Variants in ZPBP observed in about 807,000 individuals in gnomAD.
The protein encoded by ZPBP is zona pellucida-binding protein 1.
A neutral mutation model predicts 44.8 loss-of-function variants in ZPBP; 26 were observed. The ratio of observed to expected loss-of-function variants is 0.58; its 90% CI spans 0.43 to 0.81. The LOEUF is 0.81. ZPBP is among the 30% of genes least tolerant of loss of function. ZPBP has a pLI of 0.00. For synonymous variants in ZPBP, 174 were observed against 153.2 expected, an observed-to-expected ratio of 1.14 and a Z score of -1.00; for missense variants, 409 against 434.0, an observed-to-expected ratio of 0.94 and a Z score of 0.51.
At chr7:50,022,158 T>C (rs1378163053) in intron 5 of ZPBP, among the ~76,000 whole-genome samples, 1 of 152,124 alleles carries the variant, frequency 6.6e-6, no homozygotes, top group Non-Finnish European at 1.5e-5. Context: ...GAAGAATAGA[T>C]AGTAACTTGT....
At chr7:49,873,249 G>T (rs1427967977) in intron 2 of ZPBP, among the ~76,000 whole-genome samples, 1 of 152,130 alleles carries the variant, frequency 6.6e-6, no homozygotes, top group African/African-American at 2.4e-5. Context: ...TACAGTTTTG[G>T]TGGCTGGAAG....
At chr7:49,922,031 A>G (rs1794041640) in intron 1 of ZPBP, 1 of 152,184 alleles carries the variant, frequency 6.6e-6, no homozygotes, top group Admixed American at 6.5e-5. Context: ...AAGCAAGATA[A>G]ATAAAATGTA....
At chr7:50,009,433 G>T (rs957001936) in intron 6 of ZPBP, among the ~76,000 whole-genome samples, 7 of 150,988 alleles carry the variant, frequency 4.6e-5, no homozygotes, top group Admixed American at 4.6e-4. Flanking sequence ...TCTCTATTCT[G>T]TCTCTCATTC....
At chr7:50,012,493 A>G (rs1798634009) in intron 6 of ZPBP, among the ~76,000 whole-genome samples, 1 of 151,958 alleles carries the variant, frequency 6.6e-6, no homozygotes, top group Non-Finnish European at 1.5e-5. Flanking sequence ...ACAAAAAATA[A>G]CATGATATAT....
intron 2 of ZPBP, among the ~76,000 whole-genome samples, chr7:49,878,793 A>G (rs1372001717): frequency 3.3e-5 from 5 of 152,182 alleles, no homozygotes; most frequent in Non-Finnish European, 7.3e-5. Context: ...GTGGGCAACC[A>G]TGCCTGCTTT....
chr7:49,926,510 G>T (rs1230598138), intron 1 of ZPBP, among the ~76,000 whole-genome samples: 3 of 152,152 alleles, frequency 2.0e-5, no homozygotes, highest in Admixed American at 2.0e-4. Context: ...TGTCCTTGGT[G>T]GCACCCTTGT....
chr7:49,852,281 C>T (rs1790211572), intron 2 of ZPBP, among the ~76,000 whole-genome samples: 4 of 152,210 alleles, frequency 2.6e-5, no homozygotes, highest in Admixed American at 2.6e-4. Context: ...GTCATGGTGG[C>T]TCTGTGGCTG....
intron 7 of ZPBP, among the ~76,000 whole-genome samples, chr7:49,977,737 A>C (rs1796594542): frequency 6.6e-6 from 1 of 152,234 alleles, no homozygotes; most frequent in African/African-American, 2.4e-5. Flanking sequence ...AATCCATAAT[A>C]ATCAGTGGCA....
intron 6 of ZPBP, among the ~76,000 whole-genome samples, chr7:49,998,262 C>A (rs1797942284): frequency 6.6e-6 from 1 of 152,160 alleles, no homozygotes; most frequent in Admixed American, 6.6e-5. Context: ...GCTGAGAGTT[C>A]AATTTGCTTT....
intron 7 of ZPBP, among the ~76,000 whole-genome samples, chr7:49,938,581 CAAT>C (rs1316518447): frequency 4.0e-5 from 6 of 151,506 alleles, no homozygotes; most frequent in African/African-American, 1.4e-4. Flanking sequence ...CATAGGCACT[CAAT>C]AAATGCTTAA....
chr7:49,871,616 T>C (rs1791149435), intron 2 of ZPBP, among the ~76,000 whole-genome samples: 1 of 152,140 alleles, frequency 6.6e-6, no homozygotes, highest in African/African-American at 2.4e-5. Context: ...AAAACCTCTA[T>C]GGTTTTTATT....
intron 1 of ZPBP, among the ~76,000 whole-genome samples, chr7:49,910,729 AATTG>A (rs1378740392): frequency 6.6e-6 from 1 of 152,328 alleles, no homozygotes; most frequent in South Asian, 2.1e-4. Flanking sequence ...GCTGATATAG[AATTG>A]ATTGAGAATT....
intron 2 of ZPBP, among the ~76,000 whole-genome samples, chr7:49,857,865 T>G (rs1490866807): frequency 6.6e-6 from 1 of 152,190 alleles, no homozygotes; most frequent in Non-Finnish European, 1.5e-5. Context: ...TTTTCAATCC[T>G]GGGTCTGAAA....
chr7:49,891,710 C>T (rs564132597), intron 2 of ZPBP, among the ~76,000 whole-genome samples: 36 of 152,292 alleles, frequency 2.4e-4, no homozygotes, highest in African/African-American at 8.7e-4. Flanking sequence ...ACATTTATTG[C>T]TTTCTGCTAC....
chr7:50,046,115 C>T (rs951997561), intron 4 of ZPBP, among the ~76,000 whole-genome samples: 10 of 152,052 alleles, frequency 6.6e-5, no homozygotes, highest in African/African-American at 1.4e-4. Context: ...TGAAACTGGA[C>T]CTCTTCCTTA....
chr7:50,016,496 C>T (rs775659983), intron 6 of ZPBP, among the ~76,000 whole-genome samples: 3 of 151,964 alleles, frequency 2.0e-5, no homozygotes, highest in Non-Finnish European at 4.4e-5. Context: ...CAAACCCCAA[C>T]GATGTGGAAT....
chr7:50,034,135 A>G (rs1389447804), intron 4 of ZPBP, among the ~76,000 whole-genome samples: 1 of 151,896 alleles, frequency 6.6e-6, no homozygotes, highest in Non-Finnish European at 1.5e-5. Flanking sequence ...TTTAAAAACT[A>G]TAGTGTGCCT....
chr7:49,845,652 C>G (rs1789923685), downstream of ZPBP, among the ~76,000 whole-genome samples: 1 of 152,212 alleles, frequency 6.6e-6, no homozygotes, highest in South Asian at 2.1e-4. Context: ...CTTTAAAATA[C>G]CAACCTTCGG....
intron 2 of ZPBP, among the ~76,000 whole-genome samples, chr7:49,851,134 G>T (rs4916995): frequency 0.66 from 99,907 of 151,992 alleles, 34,063 homozygotes; most frequent in East Asian, 0.88. Context: ...CCGCCACCCT[G>T]GGCTTCCTGG....
Sources: gnomAD v4.1 joint callset for allele counts (sites outside exome capture counted in the v4.1 genomes callset) on GRCh38, gnomAD v4.1.1 for gene constraint, MANE v1.5 for transcripts, NCBI Gene and HGNC (gene_info 2026-07-23, HGNC 2026-07-21) for gene names.